SLC13A2: variants seen among roughly 807,000 people sequenced by gnomAD.
The protein encoded by SLC13A2 is solute carrier family 13 member 2.
A neutral mutation model predicts 58.5 loss-of-function variants in SLC13A2; 40 were observed. The ratio of observed to expected loss-of-function variants is 0.68; its 90% confidence interval spans 0.53 to 0.89. The LOEUF is 0.89. Ranked by LOEUF, SLC13A2 falls within the 40% of genes least tolerant of loss-of-function variation. The probability of loss-of-function intolerance (pLI) is 0.00; values close to 1 mark genes in which losing one functional copy is unlikely to be tolerated. For missense variants in SLC13A2, 694 were observed against 772.6 expected (o/e 0.90, Z 1.21); for synonymous variants, 341 against 331.6 (o/e 1.03, Z -0.31).
chr17:28,493,905 G>A (rs998835347), intron 7 of SLC13A2, 112 bp from the exon 8 acceptor site: 17 of 1,457,838 alleles, frequency 1.2e-5, no homozygotes, highest in Non-Finnish European at 1.6e-5. Flanking sequence ...GGGGGATGAA[G>A]GTTCCCCAGG....
intron 2 of SLC13A2, among the ~76,000 whole-genome samples, chr17:28,489,847 C>A (rs1006791971): frequency 1.3e-5 from 2 of 152,210 alleles, no homozygotes; most frequent in Non-Finnish European, 2.9e-5. Flanking sequence ...AGAAACCGCA[C>A]TAAAGTATCT....
chr17:28,493,820 C>T (rs782315490), intron 7 of SLC13A2, 31 bp downstream of exon 7: 6 of 1,608,278 alleles, frequency 3.7e-6, no homozygotes, highest in South Asian at 3.3e-5. Flanking sequence ...GAGGAGGACA[C>T]ATCTGGGGCT....
At position 28,491,436 on chromosome 17, in the gene SLC13A2, G is replaced by A. The variant is rs1555603373; in HGVS notation, c.575-1G>A. 1 of 1,613,332 alleles carries A rather than the reference G, an allele frequency of 6.2e-7. No homozygotes were observed. The highest frequency in any genetic ancestry group is 1.3e-5 in the African/African-American group (1 of 74,944). ...CCACCTGGGCTCTCCCTTGTTCCCAGATAATGGGCAGGCCCTCCCTGTCAC... is the reference window on the plus strand; with the variant it reads ...CCACCTGGGCTCTCCCTTGTTCCCAAATAATGGGCAGGCCCTCCCTGTCAC... On this transcript the variant is annotated splice_acceptor_variant, in intron 4 of 11. Coordinates refer to ENST00000314669, the MANE Select transcript of SLC13A2 (RefSeq NM_003984.4). LOFTEE classifies it high-confidence loss of function.
At chr17:28,483,112 G>A (rs569991999) in intron 1 of SLC13A2, among the ~76,000 whole-genome samples, 1 of 152,350 alleles carries the variant, frequency 6.6e-6, no homozygotes, top group South Asian at 2.1e-4. Flanking sequence ...CACATGTGCT[G>A]CTGCCTGACA....
chr17:28,487,469 C>T, intron 1 of SLC13A2: 1 of 856,314 alleles, frequency 1.2e-6, no homozygotes, highest in Non-Finnish European at 1.4e-6. Flanking sequence ...CTTGTAAAAG[C>T]ATTTGAAGCA....
At chr17:28,478,052 A>G (rs1158291626) in intron 1 of SLC13A2, among the ~76,000 whole-genome samples, 1 of 152,100 alleles carries the variant, frequency 6.6e-6, no homozygotes, top group Non-Finnish European at 1.5e-5. Context: ...AGCAAGGCTC[A>G]GTCTCAAAAA....
chr17:28,483,155 C>T (rs1373278537), intron 1 of SLC13A2, among the ~76,000 whole-genome samples: 2 of 152,214 alleles, frequency 1.3e-5, no homozygotes, highest in Non-Finnish European at 2.9e-5. Context: ...TGACAGAGGC[C>T]ATGATGCCCA....
At chr17:28,489,433 C>G in intron 2 of SLC13A2, 91 bp downstream of exon 2, 3 of 1,444,402 alleles carry the variant, frequency 2.1e-6, no homozygotes, top group Non-Finnish European at 2.8e-6. Flanking sequence ...GGAAGCCTCA[C>G]CATAGGCAGG....
intron 1 of SLC13A2, among the ~76,000 whole-genome samples, chr17:28,481,443 T>C (rs1432078759): frequency 6.6e-6 from 1 of 152,160 alleles, no homozygotes; most frequent in Non-Finnish European, 1.5e-5. Flanking sequence ...GGGAAAGCTT[T>C]AGAATGGTCA....
chr17:28,477,152 T>G (rs1229678052), intron 1 of SLC13A2, among the ~76,000 whole-genome samples: 1 of 147,946 alleles, frequency 6.8e-6, no homozygotes, highest in African/African-American at 2.5e-5. Context: ...AGAGCAAGAC[T>G]CTATCTCAAA....
rs553597619 is a variant in SLC13A2, at chr17:28,487,077, C to T, written c.103-2137C>T. 7.2e-5 allele frequency among the ~76,000 whole-genome samples: 11 copies of T among 152,324 alleles called. No individual in the cohort carries two copies. The East Asian group carries it at 1.7e-3, about 24-fold the overall frequency. The stretch of plus-strand genomic sequence containing the variant: ...CCTCCCAGAGTGCTGGGATTACAGG[C>T]GTGAGCCGCCATGCCCAGCCTGGTC... On this transcript the variant is annotated intron_variant, in intron 1 of 11. Transcript: ENST00000314669.
chr17:28,479,261 C>G (rs2068741753), intron 1 of SLC13A2, among the ~76,000 whole-genome samples: 3 of 152,142 alleles, frequency 2.0e-5, no homozygotes, highest in Non-Finnish European at 4.4e-5. Flanking sequence ...GGGTAAAGAG[C>G]CATCCAGGCA....
At chr17:28,493,908 TC>T in intron 7 of SLC13A2, 108 bp from the exon 8 acceptor site, 1 of 1,458,596 alleles carries the variant, frequency 6.9e-7, no homozygotes, top group Non-Finnish European at 9.5e-7. Flanking sequence ...GGATGAAGGT[TC>T]CCCAGGCTTG....
Position 28,496,727 on chromosome 17 carries a change from G to C in SLC13A2, c.1608+140G>C. ...CATCTGGAATGAAGGTGCAGTTGGG[G>C]AGGTTGGGACATGACCTCTCAGTGG... On this transcript the variant is annotated intron_variant, in intron 11 of 11. Transcript: ENST00000314669. This position sits in a 1 kb window ranked among gnomAD's most constrained non-coding sequence, Gnocchi z 4.2. The C allele has an allele frequency of 8.0e-7, 1 of 1,243,746 alleles. No homozygotes were observed. The highest frequency in any genetic ancestry group is 1.1e-6 in the Non-Finnish European group (1 of 911,704). 77.0% of individuals were successfully genotyped at this position (1,243,746 alleles called of 1,614,324 possible).
At chr17:28,474,751 G>C (rs1002989170) in intron 1 of SLC13A2, among the ~76,000 whole-genome samples, 1 of 152,118 alleles carries the variant, frequency 6.6e-6, no homozygotes, top group Admixed American at 6.5e-5. Flanking sequence ...TCAGTCAGTC[G>C]GCCTCTGGCA....
rs202134066 is a variant in SLC13A2 at position 28,495,836 on chromosome 17, C to A, written c.1470+20C>A. 6 of 1,607,734 alleles carry A rather than the reference C, an allele frequency of 3.7e-6. No homozygotes were observed. The East Asian group carries it at 1.3e-4, about 36-fold the overall frequency. On this transcript the variant is annotated intron_variant, in intron 10 of 11. Transcript: ENST00000314669. The stretch of plus-strand genomic sequence containing the variant: ...TCCATGGTGAGCTGGCCCTCAGAAA[C>A]ACCTCCTCCAGGCAGCCCGCCTGCC...
chr17:28,494,113 C>A lies in SLC13A2; in HGVS notation c.1186+8C>A. 6.2e-7 allele frequency: 1 copy of A among 1,612,940 alleles called. No individual in the cohort carries two copies. Among genetic ancestry groups the A allele is most frequent in the Non-Finnish European group, 8.5e-7 (1 of 1,178,908 alleles). ...GGCTGACCCAGGACCCAGGTAAGCA[C>A]CTGGACTGGGGCAGGGAAGGGTCTC... On this transcript the variant is annotated splice_region_variant and intron_variant, in intron 8 of 11. Transcript: ENST00000314669. This position sits in a 1 kb window ranked among gnomAD's most constrained non-coding sequence, Gnocchi z 4.0.
intron 1 of SLC13A2, chr17:28,487,481 A>C: frequency 1.1e-6 from 1 of 932,898 alleles, no homozygotes; most frequent in Non-Finnish European, 1.3e-6. Flanking sequence ...TTTGAAGCAC[A>C]TAGAATATGA....
intron 2 of SLC13A2, 73 bp from the exon 3 acceptor site, chr17:28,490,381 A>T (rs941712318): frequency 1.2e-6 from 2 of 1,614,020 alleles, no homozygotes; most frequent in Admixed American, 3.3e-5. Context: ...CAGTGACTGC[A>T]TCCCATAACC....
Sources: allele counts gnomAD v4.1 joint callset (sites outside exome capture counted in the v4.1 genomes callset), GRCh38; gene constraint gnomAD v4.1.1; non-coding constraint Gnocchi (gnomAD v3.1); transcripts MANE v1.5; gene names NCBI Gene and HGNC (gene_info 2026-07-23, HGNC 2026-07-21).